ITGB1: variants seen among roughly 807,000 people sequenced by gnomAD.
The protein encoded by ITGB1 is integrin beta-1.
In ITGB1, 24 loss-of-function variants were observed where a neutral mutation model predicts 86.5. The observed-to-expected ratio is 0.28, with a 90% CI of 0.20 to 0.39. The LOEUF is 0.39. Among genes scored for constraint, ITGB1 ranks in the 10% least tolerant of loss-of-function variants. The pLI is 1.00. For synonymous variants in ITGB1, 323 were observed against 316.8 expected (o/e 1.02, Z -0.21); for missense variants, 556 against 946.9 (o/e 0.59, Z 5.42).
At chr10:32,933,496 G>A (rs1260004355) in intron 2 of ITGB1, 2 of 152,146 alleles carry the variant, frequency 1.3e-5, no homozygotes, top group Non-Finnish European at 2.9e-5. Context: ...GGAAGAGTAT[G>A]CCTTCTACAT....
At chr10:32,915,090 A>G (rs943727045) in intron 11 of ITGB1, among the ~76,000 whole-genome samples, 2 of 152,252 alleles carry the variant, frequency 1.3e-5, no homozygotes, top group African/African-American at 4.8e-5. Flanking sequence ...AAATGAAGGC[A>G]GAAATAAAGA....
At chr10:32,919,656 T>C (rs2094942586) in intron 11 of ITGB1, among the ~76,000 whole-genome samples, 1 of 152,176 alleles carries the variant, frequency 6.6e-6, no homozygotes, top group Non-Finnish European at 1.5e-5. Context: ...TTCATGGCTA[T>C]AAAATCTTTT....
intron 1 of ITGB1, among the ~76,000 whole-genome samples, chr10:32,949,931 A>G (rs1271419276): frequency 6.6e-6 from 1 of 152,110 alleles, no homozygotes; most frequent in Non-Finnish European, 1.5e-5. Flanking sequence ...TTAGAAAAAA[A>G]TTGTAACATA....
At chr10:32,903,095 T>G (rs548769946) in intron 15 of ITGB1, among the ~76,000 whole-genome samples, 12 of 152,142 alleles carry the variant, frequency 7.9e-5, no homozygotes, top group African/African-American at 2.6e-4. Context: ...CTCATGCCTG[T>G]AATCCCAGAA....
At chr10:32,907,304 T>C (rs2094899498) in intron 15 of ITGB1, among the ~76,000 whole-genome samples, 1 of 152,128 alleles carries the variant, frequency 6.6e-6, no homozygotes, top group African/African-American at 2.4e-5. Flanking sequence ...TGTAGTAAAG[T>C]GCAACTAACT....
intron 6 of ITGB1, among the ~76,000 whole-genome samples, chr10:32,923,961 T>C (rs1158257931): frequency 6.6e-6 from 1 of 152,218 alleles, no homozygotes; most frequent in Non-Finnish European, 1.5e-5. Context: ...ACCATCCGTA[T>C]CTCTCAATCT....
rs1049229802 is a variant in ITGB1 at position 32,904,694 on chromosome 10, A to C, written c.2332-3059T>G. 8.1e-5 allele frequency among the ~76,000 whole-genome samples: 4 copies of C among 49,264 alleles called. No homozygotes were observed. The East Asian group carries it at 1.4e-3, about 17-fold the overall frequency. The allele number at this position is 49,264 out of a possible 152,430, so 32.3% of individuals were successfully genotyped here. ...GTAATTTCTTGATGCTCATTCATTT[A>C]TTTCAATTGTTAATTTCTACTTTTT... On this transcript the variant is annotated intron_variant, in intron 15 of 15. Coordinates refer to ENST00000302278, the MANE Select transcript of ITGB1 (RefSeq NM_002211.4).
At chr10:32,956,405 A>C (rs2095052182) in intron 1 of ITGB1, among the ~76,000 whole-genome samples, 1 of 136,464 alleles carries the variant, frequency 7.3e-6, no homozygotes, top group Non-Finnish European at 1.7e-5. Flanking sequence ...AATTAAAAAA[A>C]AAAAAATAAA....
At chr10:32,945,253 C>T (rs562227678) in intron 1 of ITGB1, among the ~76,000 whole-genome samples, 1 of 151,962 alleles carries the variant, frequency 6.6e-6, no homozygotes, top group Non-Finnish European at 1.5e-5. Flanking sequence ...TTTTAAAACA[C>T]GTTAGAGCAA....
intron 11 of ITGB1, among the ~76,000 whole-genome samples, chr10:32,913,107 G>C (rs2094918968): frequency 1.3e-5 from 2 of 152,224 alleles, no homozygotes. Context: ...GGTCCTGACT[G>C]TTAGAAGGAA....
At chr10:32,915,810 G>T (rs1307722610) in intron 11 of ITGB1, among the ~76,000 whole-genome samples, 2 of 152,090 alleles carry the variant, frequency 1.3e-5, no homozygotes, top group Non-Finnish European at 2.9e-5. Flanking sequence ...CCTAACTCAC[G>T]TTATGAGGCC....
intron 5 of ITGB1, among the ~76,000 whole-genome samples, chr10:32,926,421 G>T (rs965626099): frequency 6.6e-6 from 1 of 152,152 alleles, no homozygotes; most frequent in African/African-American, 2.4e-5. Flanking sequence ...TTGAAGGTAC[G>T]GCCTGGTGGA....
Position 32,910,212 on chromosome 10 carries a change from C to T in ITGB1, c.2164+11G>A, listed in dbSNP as rs200573637. The T allele has an allele frequency of 1.8e-5, 29 of 1,577,662 alleles. No homozygotes were observed. The highest frequency in any genetic ancestry group is 9.0e-5 in the East Asian group (4 of 44,644). ...ATATGAAAAGAATGTCTGCAATCAT[C>T]GCATTTCTACCTGGATTCTCCACAA... On this transcript the variant is annotated intron_variant, in intron 14 of 15. Coordinates refer to ENST00000302278, the MANE Select transcript of ITGB1 (RefSeq NM_002211.4).
chr10:32,923,672 A>G lies in ITGB1; in HGVS notation c.855T>C (p.Ala285=), dbSNP rs1475470200. The change falls in exon 7 of 16, where the codon GCT becomes GCC. Residue 285 remains alanine (A), a synonymous_variant. Coordinates refer to ENST00000302278, the MANE Select transcript of ITGB1 (RefSeq NM_002211.4). ...CAATGCCACCAAGTTTCCCATCTCCAGCAAAGTGAAACCCGGCATCTGTGG... is the reference window on the plus strand; with the variant it reads ...CAATGCCACCAAGTTTCCCATCTCCGGCAAAGTGAAACCCGGCATCTGTGG... ...VFSTDAGFHF[A]GDGKLGGIVL... is the part of the protein sequence containing the mutation. 13 of 1,613,926 alleles carry G rather than the reference A, an allele frequency of 8.1e-6. No individual in the cohort carries two copies. Among genetic ancestry groups the G allele is most frequent in the Non-Finnish European group, 1.0e-5 (12 of 1,179,854 alleles).
intron 3 of ITGB1, among the ~76,000 whole-genome samples, chr10:32,930,787 T>C (rs918314302): frequency 2.2e-4 from 33 of 152,020 alleles, no homozygotes; most frequent in Non-Finnish European, 4.4e-5. Flanking sequence ...AGTAGTAAAA[T>C]TTCTAGTAAT....
intron 11 of ITGB1, among the ~76,000 whole-genome samples, chr10:32,912,606 G>C (rs1192205934): frequency 6.6e-6 from 1 of 152,216 alleles, no homozygotes; most frequent in East Asian, 1.9e-4. Context: ...GCAGCAGGGA[G>C]GCCGAGGGAG....
intron 1 of ITGB1, among the ~76,000 whole-genome samples, chr10:32,937,613 ATGAGAAGAACG>A (rs2095007092): frequency 6.6e-6 from 1 of 151,978 alleles, no homozygotes; most frequent in Non-Finnish European, 1.5e-5. Flanking sequence ...AAAGTACACA[ATGAGAAGAACG>A]TGACTTTCTC....
chr10:32,945,299 G>A (rs904336633), intron 1 of ITGB1, among the ~76,000 whole-genome samples: 2 of 152,034 alleles, frequency 1.3e-5, no homozygotes, highest in African/African-American at 2.4e-5. Context: ...CTAACTTTTT[G>A]TTCATTAAGT....
At chr10:32,950,025 A>G (rs2095039729) in intron 1 of ITGB1, among the ~76,000 whole-genome samples, 1 of 152,176 alleles carries the variant, frequency 6.6e-6, no homozygotes, top group Non-Finnish European at 1.5e-5. Context: ...AGAATACACA[A>G]AAGATTTCAC....
Sources: gnomAD v4.1 joint callset for allele counts (sites outside exome capture counted in the v4.1 genomes callset) on GRCh38, gnomAD v4.1.1 for gene constraint, MANE v1.5 for transcripts, NCBI Gene and HGNC (gene_info 2026-07-23, HGNC 2026-07-21) for gene names.